NAAA: variants seen among roughly 807,000 people sequenced by gnomAD.
NAAA encodes the protein N-acylethanolamine-hydrolyzing acid amidase.
A neutral mutation model predicts 44.8 loss-of-function variants in NAAA; 39 were observed. That is an observed-to-expected ratio of 0.87 (90% CI 0.67 to 1.14). NAAA has a LOEUF of 1.14. Ranked by LOEUF, NAAA falls within the 50% of genes most tolerant of loss-of-function variation. NAAA has a pLI of 0.00. For synonymous variants in NAAA, 178 were observed against 191.3 expected, an observed-to-expected ratio of 0.93 and a Z score of 0.58; for missense variants, 460 against 467.8, an observed-to-expected ratio of 0.98 and a Z score of 0.15.
rs766288223 is a variant in NAAA, at chr4:75,940,734, C to G, written c.206+10G>C. The stretch of plus-strand genomic sequence containing the variant: ...TGTCCCCGCAGACCCCGTCCAGGGC[C>G]CCAGCTCACCCGATGACTTGCGCCA... On this transcript the variant is annotated intron_variant, in intron 1 of 10. Transcript: ENST00000286733. The G allele has an allele frequency of 6.3e-7, 1 of 1,592,700 alleles. No homozygotes were observed. The highest frequency in any genetic ancestry group is 8.5e-7 in the Non-Finnish European group (1 of 1,176,750).
At chr4:75,921,158 A>T in intron 5 of NAAA, 35 bp from the exon 6 acceptor site, 1 of 1,540,834 alleles carries the variant, frequency 6.5e-7, no homozygotes, top group Non-Finnish European at 8.7e-7. Context: ...GAGCAACCCC[A>T]CCTGCAGTTG....
intron 10 of NAAA, 89 bp from the exon 11 acceptor site, chr4:75,914,427 T>C: frequency 4.0e-6 from 2 of 502,532 alleles, no homozygotes; most frequent in South Asian, 1.7e-4. Flanking sequence ...CAGGCTGGAG[T>C]GCAGTGGTGT....
In NAAA at chr4:75,931,225, C is replaced by A. The variant is rs1727201092; in HGVS notation, c.578G>T (p.Gly193Val). The change falls in exon 4 of 11, where the codon GGT (glycine) becomes GTT (valine). Residue 193 changes from glycine (G) to valine (V), a missense_variant. By Grantham distance (109) the Gly-to-Val change is moderately radical. Coordinates refer to ENST00000286733, the MANE Select transcript of NAAA (RefSeq NM_014435.4). ...GQSPHKFTVS[G>V]DERDKGWWWE... is the part of the protein sequence containing the mutation. Reference sequence around the variant, plus strand: ...TTTGTTTTGATTACCTCGTTCATCACCAGAAACTGTAAACTTGTGTGGGCT... The same window carrying A: ...TTTGTTTTGATTACCTCGTTCATCAACAGAAACTGTAAACTTGTGTGGGCT... 1 of 1,612,234 alleles carries A rather than the reference C, an allele frequency of 6.2e-7. No individual in the cohort carries two copies.
intron 9 of NAAA, among the ~76,000 whole-genome samples, chr4:75,915,860 A>G (rs1725581941): frequency 6.6e-6 from 1 of 152,204 alleles, no homozygotes; most frequent in African/African-American, 2.4e-5. Flanking sequence ...ACTTGAGCAC[A>G]TGTGCCCACA....
chr4:75,933,347 T>G (rs921607688), intron 3 of NAAA, among the ~76,000 whole-genome samples: 1 of 152,106 alleles, frequency 6.6e-6, no homozygotes, highest in Admixed American at 6.6e-5. Context: ...GAGAATGCAG[T>G]GTCCTTAGCT....
intron 3 of NAAA, among the ~76,000 whole-genome samples, chr4:75,932,591 T>C (rs1727327018): frequency 6.6e-6 from 1 of 152,032 alleles, no homozygotes; most frequent in South Asian, 2.1e-4. Flanking sequence ...CAAGCAATCC[T>C]CCCACCTCAG....
chr4:75,928,927 A>G (rs1726984302), intron 4 of NAAA, among the ~76,000 whole-genome samples: 1 of 150,314 alleles, frequency 6.7e-6, no homozygotes, highest in African/African-American at 2.4e-5. Flanking sequence ...AGCTGGGACT[A>G]CAGGCACCCG....
At chr4:75,925,642 C>T (rs1344787685) in intron 5 of NAAA, 93 bp downstream of exon 5, 1 of 1,170,718 alleles carries the variant, frequency 8.5e-7, no homozygotes, top group African/African-American at 1.5e-5. Context: ...TTTTAAGGAG[C>T]TCCTTACATT....
At chr4:75,940,550 C>A (rs1285409435) in intron 1 of NAAA, among the ~76,000 whole-genome samples, 194 bp downstream of exon 1, 2 of 152,262 alleles carry the variant, frequency 1.3e-5, no homozygotes, top group Non-Finnish European at 2.9e-5. Context: ...ACGGGTGACA[C>A]CGAACTTGAA....
At chr4:75,932,426 T>C (rs1160726476) in intron 3 of NAAA, among the ~76,000 whole-genome samples, 1 of 152,200 alleles carries the variant, frequency 6.6e-6, no homozygotes, top group African/African-American at 2.4e-5. Flanking sequence ...CCATGAATTA[T>C]AGGCATCACT....
In NAAA at chr4:75,913,718, A is replaced by C. The variant is rs376585993; in HGVS notation, c.*657T>G. ...ATTTCTTTTGACATTTTATTACTTA[A>C]TTATGTGACATTAAGAAATAATTTG... On this transcript the variant is annotated 3_prime_UTR_variant, in exon 11 of 11. Coordinates refer to ENST00000286733, the MANE Select transcript of NAAA (RefSeq NM_014435.4). 1.0e-6 allele frequency: 1 copy of C among 980,960 alleles called. No individual in the cohort carries two copies. The highest frequency in any genetic ancestry group is 1.8e-5 in the African/African-American group (1 of 56,992). 60.8% of individuals were successfully genotyped at this position (980,960 alleles called of 1,614,324 possible). A position where few individuals can be genotyped will look rare whatever the true frequency, so the allele number is the denominator to read the frequency against.
At chr4:75,924,115 T>C (rs58239288) in intron 5 of NAAA, among the ~76,000 whole-genome samples, 9,469 of 152,256 alleles carry the variant, frequency 0.062, 629 homozygotes, top group African/African-American at 0.16. Context: ...TTCTTTCGCC[T>C]GTTAAACTTC....
intron 9 of NAAA, among the ~76,000 whole-genome samples, chr4:75,917,268 G>A (rs1725714980): frequency 6.6e-6 from 1 of 152,124 alleles, no homozygotes; most frequent in Non-Finnish European, 1.5e-5. Context: ...TGCAGGAAGT[G>A]TATGAGCCAA....
chr4:75,913,481 T>C (rs78155823), downstream of NAAA, among the ~76,000 whole-genome samples: 3 of 152,050 alleles, frequency 2.0e-5, no homozygotes, highest in Admixed American at 1.3e-4. Flanking sequence ...TCTGACTTCA[T>C]CCTCAAGGAC....
At chr4:75,939,864 A>G in intron 2 of NAAA, 137 bp downstream of exon 2, 3 of 949,966 alleles carry the variant, frequency 3.2e-6, no homozygotes, top group Non-Finnish European at 4.7e-6. Context: ...AGAGAGGCAA[A>G]GAGGAAGCGC....
intron 3 of NAAA, among the ~76,000 whole-genome samples, chr4:75,933,097 T>G (rs1727384986): frequency 7.0e-6 from 1 of 142,572 alleles, no homozygotes. Context: ...ATTGCACCAT[T>G]GCACTCCAGC....
At position 75,940,863 on chromosome 4, in the gene NAAA, C is replaced by G; in HGVS notation, c.87G>C (p.Ser29=). The G allele has an allele frequency of 6.3e-7, 1 of 1,576,610 alleles. No individual in the cohort carries two copies. The part of the protein sequence containing the change: ...LLAGAGLSAA[S]PPAAPRFNVS... ...CGTTGAAGCGCGGCGCTGCTGGGGG[C>G]GAGGCGGCTGACAGCCCGGCCCCGG... is the stretch of plus-strand genomic sequence containing the variant. The change falls in exon 1 of 11, where the codon TCG becomes TCC. Residue 29 remains serine (S), a synonymous_variant. Coordinates refer to ENST00000286733, the MANE Select transcript of NAAA (RefSeq NM_014435.4).
At chr4:75,914,822 G>T in intron 10 of NAAA, 46 bp downstream of exon 10, 1 of 1,410,704 alleles carries the variant, frequency 7.1e-7, no homozygotes, top group Non-Finnish European at 1.0e-6. Flanking sequence ...AGAAATACCA[G>T]CACACACCCA....
chr4:75,934,183 G>A (rs1259145905), intron 3 of NAAA, among the ~76,000 whole-genome samples: 1 of 151,790 alleles, frequency 6.6e-6, no homozygotes, highest in Non-Finnish European at 1.5e-5. Context: ...TGTCTCTAGA[G>A]GCCTTGTGAT....
Sources: gnomAD v4.1 joint callset for allele counts (sites outside exome capture counted in the v4.1 genomes callset) on GRCh38, gnomAD v4.1.1 for gene constraint, MANE v1.5 for transcripts, NCBI Gene and HGNC (gene_info 2026-07-23, HGNC 2026-07-21) for gene names.